Variants in STXBP5L observed in about 807,000 individuals in gnomAD.
STXBP5L encodes syntaxin-binding protein 5-like.
STXBP5L carries 65 observed loss-of-function variants against 144.5 expected under a neutral mutation model. That is an observed-to-expected ratio of 0.45 (90% CI 0.37 to 0.55). The LOEUF is 0.55. Ranked by LOEUF, STXBP5L falls within the 20% of genes least tolerant of loss-of-function variation. STXBP5L has a pLI of 0.00. For synonymous variants in STXBP5L, 505 were observed against 469.6 expected, an observed-to-expected ratio of 1.08 and a Z score of -0.97; for missense variants, 1,298 against 1,405.5, an observed-to-expected ratio of 0.92 and a Z score of 1.22.
chr3:120,962,321 T>G (rs1938940773), intron 3 of STXBP5L, among the ~76,000 whole-genome samples: 1 of 152,234 alleles, frequency 6.6e-6, no homozygotes, highest in South Asian at 2.1e-4. Flanking sequence ...TTGCCATTGC[T>G]TTTGGTGTTT....
chr3:121,180,708 C>G (rs2047107497), intron 9 of STXBP5L, among the ~76,000 whole-genome samples: 1 of 152,074 alleles, frequency 6.6e-6, no homozygotes, highest in African/African-American at 2.4e-5. Flanking sequence ...AACCCCGTCT[C>G]TACTGAAAAT....
intron 2 of STXBP5L, among the ~76,000 whole-genome samples, chr3:120,930,912 A>G (rs1271588861): frequency 6.6e-6 from 1 of 152,054 alleles, no homozygotes; most frequent in Non-Finnish European, 1.5e-5. Flanking sequence ...TATAACTGGG[A>G]TAACTATGTT....
chr3:121,033,740 A>G (rs529111261), intron 3 of STXBP5L, among the ~76,000 whole-genome samples: 25 of 151,854 alleles, frequency 1.6e-4, no homozygotes, highest in Non-Finnish European at 3.2e-4. Context: ...ACTTTTTTTA[A>G]TAATTGAAAG....
chr3:121,205,889 A>T, intron 9 of STXBP5L, 34 bp from the exon 10 acceptor site: 1 of 1,175,356 alleles, frequency 8.5e-7, no homozygotes. Flanking sequence ...AATATAATTT[A>T]AATTAGATTC....
chr3:120,961,653 T>G (rs1938836597), intron 3 of STXBP5L, among the ~76,000 whole-genome samples: 1 of 152,220 alleles, frequency 6.6e-6, no homozygotes, highest in African/African-American at 2.4e-5. Flanking sequence ...TGTGCCATAT[T>G]TTCTTAATCC....
intron 5 of STXBP5L, among the ~76,000 whole-genome samples, chr3:121,105,918 A>C (rs1000964211): frequency 6.6e-6 from 1 of 152,070 alleles, no homozygotes; most frequent in African/African-American, 2.4e-5. Flanking sequence ...TTTATATTTT[A>C]TTTTGTTTTT....
intron 17 of STXBP5L, 127 bp from the exon 18 acceptor site, chr3:121,258,916 C>CA: frequency 1.2e-6 from 1 of 836,884 alleles, no homozygotes; most frequent in Non-Finnish European, 1.6e-6. Context: ...AGGCACCATC[C>CA]ATCTGCATGC....
At chr3:121,063,491 G>T (rs2041387701) in intron 5 of STXBP5L, among the ~76,000 whole-genome samples, 1 of 152,194 alleles carries the variant, frequency 6.6e-6, no homozygotes, top group South Asian at 2.1e-4. Context: ...CCCACTTGAG[G>T]AGGCAGTCTG....
chr3:120,930,936 G>T (rs1298267658), intron 2 of STXBP5L, among the ~76,000 whole-genome samples: 1 of 152,050 alleles, frequency 6.6e-6, no homozygotes, highest in Non-Finnish European at 1.5e-5. Context: ...CTATCTTTCT[G>T]CCTGTTCTTG....
intron 3 of STXBP5L, among the ~76,000 whole-genome samples, chr3:121,022,758 C>G (rs781549757): frequency 6.6e-6 from 1 of 152,026 alleles, no homozygotes; most frequent in Non-Finnish European, 1.5e-5. Context: ...AGGGACGTAT[C>G]TTAAGGTAAA....
At chr3:121,337,420 C>A in intron 20 of STXBP5L, among the ~76,000 whole-genome samples, 1 of 119,244 alleles carries the variant, frequency 8.4e-6, no homozygotes. Context: ...ATAGAACAGA[C>A]ACTTTAAAGC....
intron 21 of STXBP5L, among the ~76,000 whole-genome samples, chr3:121,380,970 C>A (rs971609001): frequency 6.6e-6 from 1 of 152,060 alleles, no homozygotes; most frequent in African/African-American, 2.4e-5. Flanking sequence ...GTAACCATTA[C>A]TATTTAGACT....
intron 20 of STXBP5L, among the ~76,000 whole-genome samples, chr3:121,345,317 T>C (rs1559999030): frequency 1.3e-5 from 2 of 152,140 alleles, no homozygotes; most frequent in Non-Finnish European, 2.9e-5. Context: ...GCTTCATCCA[T>C]GTCCCTGCAA....
intron 5 of STXBP5L, among the ~76,000 whole-genome samples, chr3:121,057,871 C>T (rs181259371): frequency 4.6e-5 from 7 of 152,150 alleles, no homozygotes; most frequent in African/African-American, 7.2e-5. Context: ...GTCTCTCACT[C>T]TATCTTCCAA....
chr3:120,911,695 A>G (rs977653549), intron 2 of STXBP5L, among the ~76,000 whole-genome samples: 15 of 152,222 alleles, frequency 9.9e-5, no homozygotes, highest in African/African-American at 2.9e-4. Flanking sequence ...ATTTCCAAAT[A>G]AATTATAAGA....
chr3:120,990,457 C>T, intron 3 of STXBP5L, among the ~76,000 whole-genome samples: 1 of 152,150 alleles, frequency 6.6e-6, no homozygotes, highest in East Asian at 1.9e-4. Flanking sequence ...GAAAAAACTA[C>T]TTCAAAGTTC....
At chr3:121,065,409 T>A (rs528951264) in intron 5 of STXBP5L, among the ~76,000 whole-genome samples, 2 of 152,264 alleles carry the variant, frequency 1.3e-5, no homozygotes, top group African/African-American at 4.8e-5. Context: ...CACACACACA[T>A]GTCTTTTGTT....
At chr3:121,185,011 G>A (rs1338910253) in intron 9 of STXBP5L, among the ~76,000 whole-genome samples, 1 of 152,140 alleles carries the variant, frequency 6.6e-6, no homozygotes, top group Non-Finnish European at 1.5e-5. Flanking sequence ...ACAAGCAAAT[G>A]CTGATATTGC....
At chr3:120,952,268 T>A (rs554434198) in intron 2 of STXBP5L, among the ~76,000 whole-genome samples, 9 of 152,094 alleles carry the variant, frequency 5.9e-5, no homozygotes, top group Admixed American at 3.3e-4. Flanking sequence ...GATTTTAATA[T>A]CAATTCGGAG....
Sources: allele counts gnomAD v4.1 joint callset (sites outside exome capture counted in the v4.1 genomes callset), GRCh38; gene constraint gnomAD v4.1.1; transcripts MANE v1.5; gene names NCBI Gene and HGNC (gene_info 2026-07-23, HGNC 2026-07-21).